The following NR3C1 variants were observed in gnomAD, a reference collection of about 807,000 sequenced individuals.
NR3C1 encodes the protein glucocorticoid receptor.
In NR3C1, 14 loss-of-function variants were observed where a neutral mutation model predicts 74.0. The ratio of observed to expected loss-of-function variants is 0.19; its 90% CI spans 0.12 to 0.30. The LOEUF (loss-of-function observed/expected upper bound fraction) is 0.30. Among genes scored for constraint, NR3C1 ranks in the 10% least tolerant of loss-of-function variants. NR3C1 has a pLI of 1.00. For synonymous variants in NR3C1, 308 were observed against 332.5 expected, an observed-to-expected ratio of 0.93 and a Z score of 0.80; for missense variants, 695 against 909.8, an observed-to-expected ratio of 0.76 and a Z score of 3.04.
At chr5:143,428,253 A>G (rs1254141231) in intron 1 of NR3C1, among the ~76,000 whole-genome samples, 1 of 152,196 alleles carries the variant, frequency 6.6e-6, no homozygotes, top group East Asian at 1.9e-4. Context: ...TGAAAATGCC[A>G]TCTCATTCAG....
rs56149945 is a variant in NR3C1, at chr5:143,399,752, T to C, written c.1088A>G (p.Asn363Ser). ...VIPPIPVGSENWNRCQGSGDD... is the reference protein window; with the variant it reads ...VIPPIPVGSESWNRCQGSGDD... Reference sequence around the variant, plus strand: ...TCCAGATCCTTGGCACCTATTCCAATTTTCGGAACCAACGGGAATTGGTGG... The same window carrying C: ...TCCAGATCCTTGGCACCTATTCCAACTTTCGGAACCAACGGGAATTGGTGG... The change falls in exon 2 of 9, where the codon AAT becomes AGT. Residue 363 changes from asparagine to serine, a missense_variant. By Grantham distance (46) the Asn-to-Ser change is conservative. Coordinates refer to ENST00000394464, the MANE Select transcript of NR3C1 (RefSeq NM_000176.3). 0.027 allele frequency: 43,688 copies of C among 1,614,126 alleles called. 696 individuals are homozygous for C. The highest frequency in any genetic ancestry group is 0.033 in the Non-Finnish European group (39,391 of 1,179,998).
In NR3C1 at chr5:143,295,455, C is replaced by T; in HGVS notation, c.2023+5G>A. On this transcript the variant is annotated splice_donor_5th_base_variant and intron_variant, in intron 7 of 8. Coordinates refer to ENST00000394464, the MANE Select transcript of NR3C1 (RefSeq NM_000176.3). ...TGACATAAGGTGAAAAGGTGTTCTACCAACCTGAAGAGAGAAGCAGTAAGG... is the reference window on the plus strand; with the variant it reads ...TGACATAAGGTGAAAAGGTGTTCTATCAACCTGAAGAGAGAAGCAGTAAGG... 6.2e-7 allele frequency: 1 copy of T among 1,612,052 alleles called. No individual in the cohort carries two copies. The highest frequency in any genetic ancestry group is 8.5e-7 in the Non-Finnish European group (1 of 1,178,784).
At chr5:143,374,504 AC>A (rs1561706793) in intron 2 of NR3C1, among the ~76,000 whole-genome samples, 2 of 151,760 alleles carry the variant, frequency 1.3e-5, no homozygotes, top group African/African-American at 4.8e-5. Context: ...AAAAAAAAAA[AC>A]ATAGTGAGTA....
intron 2 of NR3C1, among the ~76,000 whole-genome samples, chr5:143,364,921 G>T (rs1342882901): frequency 6.6e-6 from 1 of 151,970 alleles, no homozygotes; most frequent in Non-Finnish European, 1.5e-5. Flanking sequence ...TGCCCAGGCT[G>T]GTCTTGAACT....
At chr5:143,386,644 G>A (rs1388954584) in intron 2 of NR3C1, among the ~76,000 whole-genome samples, 1 of 152,166 alleles carries the variant, frequency 6.6e-6, no homozygotes, top group Admixed American at 6.5e-5. Context: ...GAAAGAAATA[G>A]GAAAGGAGAC....
chr5:143,313,945 AC>A (rs1326530336), intron 3 of NR3C1, 56 bp downstream of exon 3: 8 of 1,584,034 alleles, frequency 5.1e-6, no homozygotes, highest in Non-Finnish European at 6.9e-6. Flanking sequence ...TTCAAAATCC[AC>A]CCTGAGAAAT....
intron 7 of NR3C1, among the ~76,000 whole-genome samples, chr5:143,292,103 G>A (rs1372908791): frequency 6.6e-6 from 1 of 152,188 alleles, no homozygotes; most frequent in Non-Finnish European, 1.5e-5. Context: ...AATCTGGCTA[G>A]GAGCTGGGCT....
intron 2 of NR3C1, among the ~76,000 whole-genome samples, chr5:143,318,135 C>A (rs1822559080): frequency 6.6e-6 from 1 of 152,064 alleles, no homozygotes. Flanking sequence ...CAATAGGTCT[C>A]TACCCTACCC....
intron 1 of NR3C1, among the ~76,000 whole-genome samples, chr5:143,402,984 C>T (rs1389113149): frequency 1.3e-5 from 2 of 151,422 alleles, no homozygotes; most frequent in Non-Finnish European, 3.0e-5. Context: ...GTTCCTCCCC[C>T]TCGGCCCGGC....
chr5:143,323,741 A>G (rs759624351), intron 2 of NR3C1, among the ~76,000 whole-genome samples: 2 of 152,080 alleles, frequency 1.3e-5, no homozygotes, highest in Non-Finnish European at 2.9e-5. Flanking sequence ...TAAAATCAAA[A>G]GCAAGCTAGT....
intron 2 of NR3C1, among the ~76,000 whole-genome samples, chr5:143,390,799 C>A (rs1424872186): frequency 6.6e-6 from 1 of 152,090 alleles, no homozygotes; most frequent in Admixed American, 6.5e-5. Context: ...TAAATGTTAT[C>A]ATTCGAGAGA....
intron 7 of NR3C1, chr5:143,294,043 T>C: frequency 4.1e-6 from 4 of 985,328 alleles, no homozygotes; most frequent in Non-Finnish European, 2.4e-6. Context: ...CGGGTTCTCT[T>C]GCCTTGACTG....
chr5:143,314,389 T>C (rs1821628793), intron 2 of NR3C1, among the ~76,000 whole-genome samples: 1 of 151,628 alleles, frequency 6.6e-6, no homozygotes, highest in Non-Finnish European at 1.5e-5. Context: ...GTCTCCAAAA[T>C]AGAATGGTGT....
intron 7 of NR3C1, among the ~76,000 whole-genome samples, chr5:143,284,238 T>C (rs1813781144): frequency 6.6e-6 from 1 of 152,130 alleles, no homozygotes; most frequent in Middle Eastern, 3.2e-3. Flanking sequence ...TAAGTCACCA[T>C]GCCCAGCCGA....
chr5:143,434,947 C>T, exon 1 of NR3C1: 1 of 985,180 alleles, frequency 1.0e-6, no homozygotes, highest in Non-Finnish European at 1.2e-6. Context: ...GATCCTGTCT[C>T]TCGGGTATAA....
intron 3 of NR3C1, among the ~76,000 whole-genome samples, chr5:143,311,055 C>T (rs1277803724): frequency 6.6e-6 from 1 of 152,232 alleles, no homozygotes; most frequent in Non-Finnish European, 1.5e-5. Context: ...GACCACTAGA[C>T]TATAATTCAC....
At chr5:143,404,198 G>T, upstream of NR3C1, 6 of 985,412 alleles carry the variant, frequency 6.1e-6, no homozygotes, top group Non-Finnish European at 7.2e-6. Flanking sequence ...TGCGTGAGTG[G>T]CCCGCGCCGC....
chr5:143,289,883 C>A (rs984000158), intron 7 of NR3C1, among the ~76,000 whole-genome samples: 1 of 152,062 alleles, frequency 6.6e-6, no homozygotes, highest in Non-Finnish European at 1.5e-5. Flanking sequence ...TTAACAATTG[C>A]GGAAAAGTTT....
chr5:143,400,179 C>T lies in NR3C1; in HGVS notation c.661G>A (p.Glu221Lys). 1 of 1,613,928 alleles carries T rather than the reference C, an allele frequency of 6.2e-7. No homozygotes were observed. Among genetic ancestry groups the T allele is most frequent in the East Asian group, 2.2e-5 (1 of 44,886 alleles). Residue 221 changes from glutamate (E) to lysine (K), a missense_variant, in exon 2 of 9, where the codon GAA becomes AAA. Glu to Lys is a moderately conservative substitution (Grantham distance 56, BLOSUM62 1). Around this residue, in one of 4 missense-constraint regions of NR3C1, gnomAD observed 497 missense variants for 489.5 expected, o/e 1.02. Coordinates refer to ENST00000394464, the MANE Select transcript of NR3C1 (RefSeq NM_000176.3). ...SPWRSDLLID[E>K]NCLLSPLAGE... is the part of the protein sequence containing the mutation. Reference sequence around the variant, plus strand: ...GCCAGAGGAGAAAGCAAACAGTTTTCATCTATCAACAGGTCTGATCTCCAA... The same window carrying T: ...GCCAGAGGAGAAAGCAAACAGTTTTTATCTATCAACAGGTCTGATCTCCAA...
Sources: gnomAD v4.1 joint callset for allele counts (sites outside exome capture counted in the v4.1 genomes callset) on GRCh38, gnomAD v4.1.1 for gene constraint, gnomAD v4.1.1 regional missense constraint, MANE v1.5 for transcripts, NCBI Gene and HGNC (gene_info 2026-07-23, HGNC 2026-07-21) for gene names.